Variants in PYGO1 observed in about 807,000 individuals in gnomAD.
The protein encoded by PYGO1 is pygopus homolog 1.
PYGO1 carries 6 observed loss-of-function variants against 29.5 expected under a neutral mutation model. That is an observed-to-expected ratio of 0.20 (90% confidence interval 0.11 to 0.40). The LOEUF (loss-of-function observed/expected upper bound fraction) is 0.40. PYGO1 is among the 10% of genes least tolerant of loss of function. PYGO1 has a pLI of 1.00. For synonymous variants in PYGO1, 186 were observed against 180.5 expected (o/e 1.03, Z -0.24); for missense variants, 515 against 514.9 (o/e 1.00, Z 0.00).
At chr15:55,577,625 A>G (rs1190608851) in intron 1 of PYGO1, among the ~76,000 whole-genome samples, 1 of 151,986 alleles carries the variant, frequency 6.6e-6, no homozygotes, top group Non-Finnish European at 1.5e-5. Flanking sequence ...TTTTAAGTGT[A>G]TAGTCGGTGA....
intron 1 of PYGO1, among the ~76,000 whole-genome samples, chr15:55,581,606 A>G (rs998951321): frequency 6.6e-6 from 1 of 152,156 alleles, no homozygotes; most frequent in African/African-American, 2.4e-5. Context: ...CACTGGGTAA[A>G]CTTATATATG....
intron 1 of PYGO1, among the ~76,000 whole-genome samples, chr15:55,577,718 T>C (rs935099407): frequency 2.0e-5 from 3 of 150,920 alleles, no homozygotes; most frequent in Middle Eastern, 3.2e-3. Context: ...CCCTATCCCA[T>C]CAACAGTCAC....
rs189682822 is a variant in PYGO1 at position 55,550,188 on chromosome 15, T to C, written c.50-1193A>G. Among the ~76,000 whole-genome samples, 94 of 152,306 alleles carry C rather than the reference T, an allele frequency of 6.2e-4. 2 individuals carry two copies. In the East Asian group the frequency reaches 0.015, roughly 25 times the overall value. On this transcript the variant is annotated intron_variant, in intron 1 of 2. Coordinates refer to ENST00000563719, the MANE Select transcript of PYGO1 (RefSeq NM_001367806.1). ...ATGTCTTTTAATTGATATACTTCCC[T>C]CCATCCTGTTTTTTCCTTGCAAAGT...
At chr15:55,577,156 C>T (rs1275162910) in intron 1 of PYGO1, among the ~76,000 whole-genome samples, 4 of 152,118 alleles carry the variant, frequency 2.6e-5, no homozygotes, top group Admixed American at 6.5e-5. Flanking sequence ...CATATCTGAT[C>T]GGTTTCTCTG....
At chr15:55,585,223 G>A (rs2059041621) in intron 1 of PYGO1, among the ~76,000 whole-genome samples, 1 of 152,094 alleles carries the variant, frequency 6.6e-6, no homozygotes, top group Admixed American at 6.5e-5. Context: ...ATACACATAT[G>A]TATCTTAGCC....
rs1013585364 is a variant in PYGO1, at chr15:55,544,733, A to G, written c.*1290T>C. The G allele has an allele frequency of 6.6e-6, 1 of 152,046 alleles. No individual in the cohort carries two copies. Among genetic ancestry groups the G allele is most frequent in the East Asian group, 1.9e-4 (1 of 5,196 alleles). The allele number at this position is 152,046 out of a possible 1,614,324, so 9.4% of individuals were successfully genotyped here. ...TGGTGGCAACATATTAGGGAGCTTT[A>G]CCAGCCTCCAATGATTGTATAAATT... On this transcript the variant is annotated 3_prime_UTR_variant, in exon 3 of 3. Coordinates refer to ENST00000563719, the MANE Select transcript of PYGO1 (RefSeq NM_001367806.1).
At chr15:55,555,741 G>C (rs752886333) in intron 1 of PYGO1, among the ~76,000 whole-genome samples, 2 of 152,038 alleles carry the variant, frequency 1.3e-5, no homozygotes, top group Non-Finnish European at 2.9e-5. Context: ...TGGCAAGCTG[G>C]ATAAAGAGTT....
chr15:55,579,649 G>A (rs1020518350), intron 1 of PYGO1, among the ~76,000 whole-genome samples: 48 of 152,204 alleles, frequency 3.2e-4, no homozygotes, highest in African/African-American at 1.1e-3. Context: ...TCAAAGTGCT[G>A]AGATTACAGG....
At chr15:55,566,484 G>C (rs150207245) in intron 1 of PYGO1, among the ~76,000 whole-genome samples, 1 of 151,840 alleles carries the variant, frequency 6.6e-6, no homozygotes, top group African/African-American at 2.4e-5. Context: ...ACCACTGATG[G>C]GCACCTAGGT....
chr15:55,542,794 T>C lies in PYGO1; in HGVS notation c.*3229A>G, dbSNP rs60663227. The C allele has an allele frequency of 0.09, 13,607 of 151,882 alleles. 1,100 individuals carry two copies. Among genetic ancestry groups the C allele is most frequent in the East Asian group, 0.37 (1,905 of 5,138 alleles). 9.4% of individuals were successfully genotyped at this position (151,882 alleles called of 1,614,324 possible). ...AAATACAAAAATTAGCCAGGTGTGA[T>C]GGTGGGCGACTGTAATCCCAGCTAC... On this transcript the variant is annotated 3_prime_UTR_variant, in exon 3 of 3. Transcript: ENST00000563719.
chr15:55,559,540 C>T (rs1041900317), intron 1 of PYGO1, among the ~76,000 whole-genome samples: 25 of 152,260 alleles, frequency 1.6e-4, no homozygotes, highest in African/African-American at 5.8e-4. Flanking sequence ...CGTATGTTTA[C>T]TGCAGCACTA....
intron 1 of PYGO1, among the ~76,000 whole-genome samples, chr15:55,555,249 C>T (rs572690625): frequency 2.8e-4 from 43 of 151,970 alleles, no homozygotes; most frequent in African/African-American, 4.1e-4. Flanking sequence ...ATTTCATATC[C>T]GACCAAACTA....
chr15:55,588,739 T>G (rs1347702913), upstream of PYGO1: 20 of 1,546,552 alleles, frequency 1.3e-5, no homozygotes, highest in Non-Finnish European at 1.8e-5. Context: ...ATCTCCGAAC[T>G]TCGTCGGAGG....
intron 1 of PYGO1, among the ~76,000 whole-genome samples, chr15:55,550,504 A>G (rs2899589): frequency 0.35 from 53,291 of 151,834 alleles, 9,558 homozygotes; most frequent in South Asian, 0.46. Context: ...CTCAGAGGTT[A>G]TTAATACCAG....
intron 1 of PYGO1, among the ~76,000 whole-genome samples, chr15:55,572,623 G>A (rs1241500673): frequency 6.6e-6 from 1 of 152,056 alleles, no homozygotes; most frequent in Non-Finnish European, 1.5e-5. Context: ...ACAAAAATGG[G>A]AGAAAATATT....
At chr15:55,576,625 G>A (rs894868996) in intron 1 of PYGO1, among the ~76,000 whole-genome samples, 32 of 150,800 alleles carry the variant, frequency 2.1e-4, no homozygotes, top group Non-Finnish European at 4.0e-4. Context: ...ACAAAAATTA[G>A]CCGGGCGTGG....
Position 55,546,396 on chromosome 15 carries a change from T to C in PYGO1, c.887A>G (p.Asn296Ser). 6.2e-7 allele frequency: 1 copy of C among 1,614,188 alleles called. No homozygotes were observed. Among genetic ancestry groups the C allele is most frequent in the Non-Finnish European group, 8.5e-7 (1 of 1,180,024 alleles). ...NSRSSSTEAT[N>S]NNPANGTQNK... ...CTGCGTCCCATTTGCAGGGTTATTG[T>C]TTGTGGCTTCAGTGCTACTTGAACG... Residue 296 changes from asparagine to serine, a missense_variant, in exon 3 of 3, where the codon AAC becomes AGC. Physicochemically the swap from Asn to Ser is conservative, Grantham distance 46. Coordinates refer to ENST00000563719, the MANE Select transcript of PYGO1 (RefSeq NM_001367806.1).
intron 1 of PYGO1, among the ~76,000 whole-genome samples, chr15:55,555,034 G>C (rs1248961152): frequency 6.6e-6 from 1 of 151,622 alleles, no homozygotes; most frequent in East Asian, 1.9e-4. Flanking sequence ...ATGCACAAGA[G>C]ATCAACCCCA....
intron 1 of PYGO1, among the ~76,000 whole-genome samples, chr15:55,559,055 G>A (rs952381637): frequency 6.6e-6 from 1 of 152,166 alleles, no homozygotes; most frequent in Admixed American, 6.5e-5. Flanking sequence ...GCAACCTACA[G>A]AATGGGAGAA....
Sources: gnomAD v4.1 joint callset for allele counts (sites outside exome capture counted in the v4.1 genomes callset) on GRCh38, gnomAD v4.1.1 for gene constraint, MANE v1.5 for transcripts, NCBI Gene and HGNC (gene_info 2026-07-23, HGNC 2026-07-21) for gene names.